The following SLC25A21 variants were observed in gnomAD, a reference collection of about 807,000 sequenced individuals.
SLC25A21 encodes solute carrier family 25 member 21, also known as mitochondrial 2-oxodicarboxylate carrier.
A neutral mutation model predicts 43.8 loss-of-function variants in SLC25A21; 47 were observed. The ratio of observed to expected loss-of-function variants is 1.07; its 90% CI spans 0.85 to 1.37. The LOEUF (loss-of-function observed/expected upper bound fraction) is 1.37. SLC25A21 is among the 40% of genes most tolerant of loss of function. The pLI is 0.00. For missense variants in SLC25A21, 352 were observed against 350.2 expected (o/e 1.00, Z -0.04); for synonymous variants, 131 against 121.3 (o/e 1.08, Z -0.52).
chr14:36,764,173 A>AAAGAAAGG, intron 3 of SLC25A21, among the ~76,000 whole-genome samples: 1 of 75,022 alleles, frequency 1.3e-5, no homozygotes, highest in Non-Finnish European at 2.3e-5. Context: ...AGAAAGAAAG[A>AAAGAAAGG]AAGAAAGAAA....
rs1251830708 is a variant in SLC25A21, at chr14:36,679,465, T to A, written c.*1193A>T. ...CTTAGGACAGGTGTCATATGGACTT[T>A]CAGTTATTCTTGTTGACTTTACTGA... On this transcript the variant is annotated 3_prime_UTR_variant, in exon 10 of 10. Transcript: ENST00000331299. The A allele has an allele frequency of 2.0e-6, 2 of 985,322 alleles. No homozygotes were observed. Among genetic ancestry groups the A allele is most frequent in the African/African-American group, 1.7e-5 (1 of 57,248 alleles). The allele number at this position is 985,322 out of a possible 1,614,324, so 61.0% of individuals were successfully genotyped here.
In SLC25A21 at chr14:37,093,672, G is replaced by A. The variant is rs144112550; in HGVS notation, c.70+78609C>T. 6.4e-4 allele frequency among the ~76,000 whole-genome samples: 98 copies of A among 152,232 alleles called. No homozygotes were observed. In the East Asian group the frequency reaches 0.018, roughly 28 times the overall value. On this transcript the variant is annotated intron_variant, in intron 1 of 9. Transcript: ENST00000331299. ...TTTCAAAATATCCACACCTACTTTT[G>A]GGGGATGAATGGAGGGGAGAGAACT...
chr14:36,943,393 T>C (rs188887907), intron 1 of SLC25A21, among the ~76,000 whole-genome samples: 107 of 152,264 alleles, frequency 7.0e-4, no homozygotes, highest in Admixed American at 1.7e-3. Flanking sequence ...CCTTTCACCA[T>C]GTTGGCCAGG....
intron 7 of SLC25A21, among the ~76,000 whole-genome samples, chr14:36,687,942 C>A (rs944155994): frequency 6.6e-6 from 1 of 152,190 alleles, no homozygotes; most frequent in African/African-American, 2.4e-5. Flanking sequence ...TTCCTGGATG[C>A]GCAGAGAATA....
At chr14:36,838,241 C>T (rs944013217) in intron 2 of SLC25A21, among the ~76,000 whole-genome samples, 2 of 152,172 alleles carry the variant, frequency 1.3e-5, no homozygotes, top group African/African-American at 4.8e-5. Context: ...TGGAGTTCAG[C>T]TAGAGAACAG....
At chr14:37,085,384 G>A (rs1021330808) in intron 1 of SLC25A21, among the ~76,000 whole-genome samples, 2 of 152,050 alleles carry the variant, frequency 1.3e-5, no homozygotes, top group African/African-American at 4.8e-5. Context: ...TCAATGTACG[G>A]TAAACATTCT....
chr14:36,952,655 G>A (rs1225466330), intron 1 of SLC25A21, among the ~76,000 whole-genome samples: 3 of 152,086 alleles, frequency 2.0e-5, no homozygotes, highest in African/African-American at 7.2e-5. Context: ...AGATCCTTGG[G>A]GTTTAAACTG....
chr14:37,084,101 A>G (rs1293291678), intron 1 of SLC25A21, among the ~76,000 whole-genome samples: 3 of 152,166 alleles, frequency 2.0e-5, no homozygotes, highest in Non-Finnish European at 4.4e-5. Flanking sequence ...CAGAAGTGCC[A>G]CAGCTTGAAC....
At chr14:37,117,160 C>T (rs1963120799) in intron 1 of SLC25A21, among the ~76,000 whole-genome samples, 1 of 152,156 alleles carries the variant, frequency 6.6e-6, no homozygotes, top group South Asian at 2.1e-4. Flanking sequence ...CTAAAAGGTA[C>T]ATGAATCATC....
chr14:37,145,094 T>C (rs1341733225), intron 1 of SLC25A21, among the ~76,000 whole-genome samples: 1 of 152,156 alleles, frequency 6.6e-6, no homozygotes, highest in Non-Finnish European at 1.5e-5. Context: ...ATATGATCCT[T>C]CCAATAACCA....
chr14:37,148,644 C>A (rs1566914232), intron 1 of SLC25A21, among the ~76,000 whole-genome samples: 2 of 152,146 alleles, frequency 1.3e-5, no homozygotes, highest in Non-Finnish European at 2.9e-5. Context: ...TGCTTTGTGG[C>A]AAATGCATTG....
rs150409736 is a variant in SLC25A21 at position 37,054,010 on chromosome 14, G to C, written c.70+118271C>G. Among the ~76,000 whole-genome samples, 453 of 152,318 alleles carry C rather than the reference G, an allele frequency of 3.0e-3. 2 individuals are homozygous for C. Among genetic ancestry groups the C allele is most frequent in the Non-Finnish European group, 5.3e-3 (362 of 68,032 alleles). ...TATTCCTCCCATTGAGAGGTAAAATGTATTTCCCTTCTGCCTGATATGGTC... is the reference window on the plus strand; with the variant it reads ...TATTCCTCCCATTGAGAGGTAAAATCTATTTCCCTTCTGCCTGATATGGTC... On this transcript the variant is annotated intron_variant, in intron 1 of 9. Coordinates refer to ENST00000331299, the MANE Select transcript of SLC25A21 (RefSeq NM_030631.4).
chr14:36,787,508 C>T (rs1887293880), intron 3 of SLC25A21, among the ~76,000 whole-genome samples: 1 of 151,984 alleles, frequency 6.6e-6, no homozygotes, highest in Non-Finnish European at 1.5e-5. Context: ...GATAGCCTTG[C>T]TTAAAGACTT....
chr14:37,119,984 T>C (rs969792037), intron 1 of SLC25A21, among the ~76,000 whole-genome samples: 3 of 152,102 alleles, frequency 2.0e-5, no homozygotes, highest in Non-Finnish European at 2.9e-5. Context: ...ACTTTAGAAA[T>C]AGAAAATAAG....
intron 1 of SLC25A21, among the ~76,000 whole-genome samples, chr14:37,054,794 CA>C (rs1961785538): frequency 6.6e-6 from 1 of 152,148 alleles, no homozygotes; most frequent in Non-Finnish European, 1.5e-5. Context: ...TTAAATAAAA[CA>C]ATTTCTGATC....
intron 1 of SLC25A21, among the ~76,000 whole-genome samples, chr14:36,922,038 G>C (rs1195459555): frequency 1.3e-5 from 2 of 151,782 alleles, no homozygotes; most frequent in African/African-American, 4.8e-5. Flanking sequence ...GCAGCTACTT[G>C]GGAGGCAGGA....
intron 1 of SLC25A21, among the ~76,000 whole-genome samples, chr14:36,937,601 T>G (rs1892456558): frequency 6.6e-6 from 1 of 152,064 alleles, no homozygotes; most frequent in Admixed American, 6.6e-5. Flanking sequence ...GGTTGAGAGG[T>G]AGGAGACAAT....
At chr14:37,169,487 C>T (rs1964085261) in intron 1 of SLC25A21, among the ~76,000 whole-genome samples, 2 of 151,912 alleles carry the variant, frequency 1.3e-5, no homozygotes, top group East Asian at 1.9e-4. Flanking sequence ...CCACGAGATA[C>T]CCTGGTATCT....
intron 7 of SLC25A21, among the ~76,000 whole-genome samples, chr14:36,707,757 C>T (rs115154032): frequency 0.016 from 2,428 of 152,300 alleles, 53 homozygotes; most frequent in African/African-American, 0.054. Context: ...GAAAGCAATG[C>T]ATTAGCATTC....
Sources: allele counts gnomAD v4.1 joint callset (sites outside exome capture counted in the v4.1 genomes callset), GRCh38; gene constraint gnomAD v4.1.1; transcripts MANE v1.5; gene names NCBI Gene and HGNC (gene_info 2026-07-23, HGNC 2026-07-21).